Variants in PDE1A observed in about 807,000 individuals in gnomAD.
PDE1A encodes the protein dual specificity calcium/calmodulin-dependent 3',5'-cyclic nucleotide phosphodiesterase 1A.
In PDE1A, 35 loss-of-function variants were observed where a neutral mutation model predicts 61.7. That is an observed-to-expected ratio of 0.57 (90% CI 0.43 to 0.75). PDE1A has a LOEUF of 0.75. Among genes scored for constraint, PDE1A ranks in the 30% least tolerant of loss-of-function variants. The pLI, the probability that PDE1A is intolerant of heterozygous loss-of-function variation, is 0.00. For synonymous variants in PDE1A, 232 were observed against 213.2 expected (o/e 1.09, Z -0.77); for missense variants, 597 against 630.6 (o/e 0.95, Z 0.57).
the PDE1A span, among the ~76,000 whole-genome samples, chr2:182,647,426 T>C: frequency 3.9e-5 from 6 of 152,204 alleles, no homozygotes; most frequent in Admixed American, 1.3e-4. Context: ...ATAACAATCA[T>C]ATAATTTGTC....
the PDE1A span, among the ~76,000 whole-genome samples, chr2:182,643,984 T>A: frequency 6.6e-6 from 1 of 152,240 alleles, no homozygotes. Flanking sequence ...GATACATAAA[T>A]GCTGATGATT....
chr2:182,421,928 T>C (rs16823220), intron 1 of PDE1A, among the ~76,000 whole-genome samples: 8,765 of 152,304 alleles, frequency 0.058, 820 homozygotes, highest in African/African-American at 0.2. Context: ...TTCATCCCAC[T>C]GCTTTCTCCA....
At chr2:182,302,501 A>G (rs1237062806) in intron 1 of PDE1A, among the ~76,000 whole-genome samples, 1 of 152,224 alleles carries the variant, frequency 6.6e-6, no homozygotes, top group Non-Finnish European at 1.5e-5. Context: ...TTACTAAAAA[A>G]TGCTAACAAT....
In PDE1A at chr2:182,390,596, G is replaced by C. The variant is rs565373075; in HGVS notation, c.53+35982C>G. Among the ~76,000 whole-genome samples the C allele has an allele frequency of 2.0e-4, 30 of 152,278 alleles. No homozygotes were observed. The South Asian group carries it at 6.0e-3, about 31-fold the overall frequency. ...AAACTTCTAAGACTGACCTGAGTGA[G>C]TCTTACCTCCTACAGACAAAGGGCT... On this transcript the variant is annotated intron_variant, in intron 1 of 13. Coordinates refer to ENST00000351439, the Ensembl canonical transcript of PDE1A.
At chr2:182,386,953 C>T (rs192438253) in intron 1 of PDE1A, among the ~76,000 whole-genome samples, 2,057 of 152,238 alleles carry the variant, frequency 0.014, 33 homozygotes, top group Non-Finnish European at 0.024. Flanking sequence ...GCCATGATGA[C>T]GACGGCGGTT....
At chr2:182,585,007 C>T in the PDE1A span, among the ~76,000 whole-genome samples, 2 of 152,168 alleles carry the variant, frequency 1.3e-5, no homozygotes, top group East Asian at 3.8e-4. Context: ...GGTTCTTCAA[C>T]TTCTTGATTT....
chr2:182,379,998 T>C (rs1574496048), intron 1 of PDE1A, among the ~76,000 whole-genome samples: 1 of 152,190 alleles, frequency 6.6e-6, no homozygotes, highest in Admixed American at 6.5e-5. Flanking sequence ...CTACCCTTTC[T>C]TTAAATGCTT....
chr2:182,261,282 C>T (rs1207767939), intron 2 of PDE1A, among the ~76,000 whole-genome samples: 2 of 152,140 alleles, frequency 1.3e-5, no homozygotes, highest in African/African-American at 4.8e-5. Context: ...CACTTCCATC[C>T]ATGACCTGTG....
At chr2:182,182,900 A>G (rs1684889321) in intron 13 of PDE1A, among the ~76,000 whole-genome samples, 1 of 152,156 alleles carries the variant, frequency 6.6e-6, no homozygotes, top group Admixed American at 6.6e-5. Flanking sequence ...AGTTTACTAT[A>G]TAGAAATTAT....
At chr2:182,382,165 T>C (rs1255695645) in intron 1 of PDE1A, among the ~76,000 whole-genome samples, 4 of 152,204 alleles carry the variant, frequency 2.6e-5, no homozygotes, top group Non-Finnish European at 5.9e-5. Flanking sequence ...CTATGTTATA[T>C]GGTAAAGCTA....
chr2:182,264,501 T>C, intron 1 of PDE1A, 87 bp from the exon 2 acceptor site: 1 of 862,330 alleles, frequency 1.2e-6, no homozygotes, highest in Non-Finnish European at 1.8e-6. Flanking sequence ...ATACACTCAG[T>C]TAAGATTTTT....
chr2:182,149,872 A>G (rs1379384517), intron 13 of PDE1A, among the ~76,000 whole-genome samples: 3 of 152,114 alleles, frequency 2.0e-5, no homozygotes, highest in Non-Finnish European at 4.4e-5. Flanking sequence ...GGTGAAGCCT[A>G]TGGCCAGCTT....
intron 2 of PDE1A, among the ~76,000 whole-genome samples, chr2:182,433,798 C>T (rs370653965): frequency 6.6e-6 from 1 of 152,056 alleles, no homozygotes; most frequent in Admixed American, 6.6e-5. Context: ...TGACCTTTGG[C>T]TCATTCCCCA....
intron 1 of PDE1A, among the ~76,000 whole-genome samples, chr2:182,418,931 G>C: frequency 6.6e-6 from 1 of 152,130 alleles, no homozygotes; most frequent in East Asian, 1.9e-4. Context: ...GCTGACCCAC[G>C]GGCGCAGATC....
In PDE1A at chr2:182,225,277, T is replaced by A. The variant is rs559833603; in HGVS notation, c.676-1313A>T. Among the ~76,000 whole-genome samples the A allele has an allele frequency of 4.2e-4, 64 of 152,026 alleles. 1 individual carries two copies. The highest frequency in any genetic ancestry group is 1.5e-3 in the African/African-American group (62 of 41,536). ...AATCAAGTGAAGTGTAACTGAAGAA[T>A]ATGGAGAGTATGGAAAGAGTTAATG... On this transcript the variant is annotated intron_variant, in intron 6 of 13. Transcript: ENST00000351439.
At chr2:182,167,175 T>A (rs1691693813), downstream of PDE1A, among the ~76,000 whole-genome samples, 1 of 152,146 alleles carries the variant, frequency 6.6e-6, no homozygotes. Context: ...CCTAAATTCC[T>A]ACGGCTATAA....
At chr2:182,480,480 T>G (rs1455495790) in intron 2 of PDE1A, among the ~76,000 whole-genome samples, 1 of 151,928 alleles carries the variant, frequency 6.6e-6, no homozygotes, top group Non-Finnish European at 1.5e-5. Flanking sequence ...GGGTTCCACC[T>G]CTGTGGATTC....
chr2:182,178,339 G>A (rs1384586624), intron 13 of PDE1A, among the ~76,000 whole-genome samples: 2 of 152,124 alleles, frequency 1.3e-5, no homozygotes, highest in Non-Finnish European at 2.9e-5. Context: ...AAGCAAAAAG[G>A]GGTATGAAGG....
the PDE1A span, among the ~76,000 whole-genome samples, chr2:182,631,785 T>A: frequency 1.3e-5 from 2 of 152,244 alleles, no homozygotes; most frequent in East Asian, 3.8e-4. Flanking sequence ...CACATGGAAG[T>A]ATTCCTCTGC....
Sources: allele counts gnomAD v4.1 joint callset (sites outside exome capture counted in the v4.1 genomes callset), GRCh38; gene constraint gnomAD v4.1.1; transcripts MANE v1.5; gene names NCBI Gene and HGNC (gene_info 2026-07-23, HGNC 2026-07-21).